NSD1: variants seen among roughly 807,000 people sequenced by gnomAD.
NSD1 encodes histone-lysine N-methyltransferase, H3 lysine-36 specific.
NSD1 carries 26 observed loss-of-function variants against 242.7 expected under a neutral mutation model. The ratio of observed to expected loss-of-function variants is 0.11; its 90% CI spans 0.08 to 0.15. NSD1 has a LOEUF of 0.15. Among genes scored for constraint, NSD1 ranks in the 10% least tolerant of loss-of-function variants. NSD1 has a pLI of 1.00. For missense variants in NSD1, 2,495 were observed against 3,272.8 expected (o/e 0.76, Z 5.80); for synonymous variants, 1,106 against 1,178.1 (o/e 0.94, Z 1.25).
In NSD1 at chr5:177,188,844, T is replaced by TA. The variant is rs144957691; in HGVS notation, c.928-3030dup. Among the ~76,000 whole-genome samples, 694 of 150,338 alleles carry TA rather than the reference T, an allele frequency of 4.6e-3. 10 individuals are homozygous for TA. Among genetic ancestry groups the TA allele is most frequent in the East Asian group, 0.04 (208 of 5,142 alleles). ...TGGTGGATATTAACTTTTGTCATTT[T>TA]AAAAAAAAAATGCTTTAACAGCTTG... On this transcript the variant is annotated intron_variant, in intron 2 of 22. Transcript: ENST00000439151.
intron 5 of NSD1, among the ~76,000 whole-genome samples, chr5:177,226,279 C>G (rs1298952229): frequency 1.3e-5 from 2 of 152,144 alleles, no homozygotes; most frequent in Non-Finnish European, 2.9e-5. Flanking sequence ...AAGTGTTCCA[C>G]CTGCTTTAGC....
At chr5:177,145,909 A>AG (rs1491466534) in intron 2 of NSD1, among the ~76,000 whole-genome samples, 1 of 10,486 alleles carries the variant, frequency 9.5e-5, no homozygotes, top group Admixed American at 9.0e-4. Context: ...ACTCCATCTC[A>AG]AAAAAAAAAA....
At chr5:177,208,435 C>T (rs1763065204) in intron 4 of NSD1, among the ~76,000 whole-genome samples, 3 of 152,072 alleles carry the variant, frequency 2.0e-5, no homozygotes, top group Non-Finnish European at 2.9e-5. Flanking sequence ...ATCAAACCTG[C>T]TGATTCCTCT....
At position 177,256,165 on chromosome 5, in the gene NSD1, G is replaced by C. The variant is rs148762619; in HGVS notation, c.4766-786G>C. Among the ~76,000 whole-genome samples the C allele has an allele frequency of 7.9e-3, 1,200 of 152,008 alleles. 19 individuals are homozygous for C. Among genetic ancestry groups the C allele is most frequent in the African/African-American group, 0.024 (1,015 of 41,458 alleles). On this transcript the variant is annotated intron_variant, in intron 12 of 22. Coordinates refer to ENST00000439151, the MANE Select transcript of NSD1 (RefSeq NM_022455.5). ...GAGAGAGGCCAAAAACGTCTCTGTA[G>C]GTTTTGTTAGGGAGATTACCAGCAT... is the stretch of plus-strand genomic sequence containing the variant.
chr5:177,197,621 C>CA (rs1462513571), intron 3 of NSD1, among the ~76,000 whole-genome samples: 4 of 152,120 alleles, frequency 2.6e-5, no homozygotes, highest in Non-Finnish European at 4.4e-5. Flanking sequence ...GACTCCATCT[C>CA]AAAAAATAAA....
At position 177,211,386 on chromosome 5, in the gene NSD1, C is replaced by G. The variant is rs1309124467; in HGVS notation, c.2987C>G (p.Pro996Arg). Residue 996 changes from proline (P) to arginine (R), a missense_variant, in exon 5 of 23, where the codon CCT (proline) becomes CGT (arginine). By Grantham distance (103) the Pro-to-Arg change is moderately radical. This residue lies in a region of NSD1 where 426 missense variants were observed against 411.4 expected (regional missense o/e 1.04). Coordinates refer to ENST00000439151, the MANE Select transcript of NSD1 (RefSeq NM_022455.5). ...TCTGGCGAGTTGTCTGCTTCCCTAC[C>G]TGGCTTACTGTCCGACAAGAGAGAC... ...ALSGELSASLPGLLSDKRDLP... is the reference protein window; with the variant it reads ...ALSGELSASLRGLLSDKRDLP... The G allele has an allele frequency of 6.2e-7, 1 of 1,614,126 alleles. No homozygotes were observed. Among genetic ancestry groups the G allele is most frequent in the Non-Finnish European group, 8.5e-7 (1 of 1,180,028 alleles).
chr5:177,197,491 G>A (rs898578141), intron 3 of NSD1, among the ~76,000 whole-genome samples: 25 of 152,076 alleles, frequency 1.6e-4, no homozygotes, highest in Admixed American at 1.2e-3. Context: ...GCAGGGTGGC[G>A]GGCGCCTGTA....
chr5:177,143,321 GATA>G (rs1303390952), intron 2 of NSD1, among the ~76,000 whole-genome samples: 1 of 151,558 alleles, frequency 6.6e-6, no homozygotes, highest in Non-Finnish European at 1.5e-5. Context: ...TTTAATTAAG[GATA>G]ATAATTTTTT....
intron 2 of NSD1, among the ~76,000 whole-genome samples, chr5:177,167,559 A>T (rs1327899933): frequency 6.6e-6 from 1 of 151,780 alleles, no homozygotes; most frequent in Non-Finnish European, 1.5e-5. Flanking sequence ...TATATTTGTG[A>T]GGCTTTATTT....
chr5:177,194,190 A>G (rs1316119341), intron 3 of NSD1, among the ~76,000 whole-genome samples: 1 of 152,156 alleles, frequency 6.6e-6, no homozygotes, highest in Non-Finnish European at 1.5e-5. Flanking sequence ...TATCACAAAC[A>G]GAACATTGTA....
rs1554184209 is a variant in NSD1, at chr5:177,185,795, A to ATATT, written c.928-6086_928-6085insTTAT. Among the ~76,000 whole-genome samples the ATATT allele has an allele frequency of 0.01, 897 of 88,346 alleles. 60 individuals carry two copies. In the East Asian group the frequency reaches 0.18, roughly 17 times the overall value. 58.0% of individuals were successfully genotyped at this position (88,346 alleles called of 152,430 possible). On this transcript the variant is annotated intron_variant, in intron 2 of 22. Coordinates refer to ENST00000439151, the MANE Select transcript of NSD1 (RefSeq NM_022455.5). ...TATATATTATATATGTATATTATAT[A>ATATT]TATATATATATAAATTTATATATAT...
rs187282211 is a variant in NSD1, at chr5:177,283,464, G to T, written c.6010-323G>T. Among the ~76,000 whole-genome samples, 808 of 152,322 alleles carry T rather than the reference G, an allele frequency of 5.3e-3. 2 individuals are homozygous for T. Among genetic ancestry groups the T allele is most frequent in the Non-Finnish European group, 9.5e-3 (643 of 68,028 alleles). On this transcript the variant is annotated intron_variant, in intron 19 of 22. Coordinates refer to ENST00000439151, the MANE Select transcript of NSD1 (RefSeq NM_022455.5). ...TAGAAAGTGGGACAAGCTGCTATTT[G>T]TAGGGCAGTGGTCCTCAAACTTCAA...
rs1208609364 is a variant in NSD1, at chr5:177,291,840, A to G, written c.6259-114A>G. On this transcript the variant is annotated intron_variant, in intron 21 of 22. Coordinates refer to ENST00000439151, the MANE Select transcript of NSD1 (RefSeq NM_022455.5). ...GGTACCTTTCCTGCATTTTATCTTC[A>G]TGACAATCTCTTTTCCCAGAGAAGA... The G allele has an allele frequency of 6.8e-6, 7 of 1,036,692 alleles. No homozygotes were observed. In the African/African-American group the frequency reaches 9.5e-5, roughly 14 times the overall value. 64.2% of individuals were successfully genotyped at this position (1,036,692 alleles called of 1,614,324 possible).
chr5:177,191,505 T>C (rs1761693816), intron 2 of NSD1, among the ~76,000 whole-genome samples: 1 of 152,168 alleles, frequency 6.6e-6, no homozygotes, highest in Admixed American at 6.5e-5. Context: ...ATTCTTCCTA[T>C]AATTTTTTCT....
At chr5:177,196,678 A>T (rs569877612) in intron 3 of NSD1, among the ~76,000 whole-genome samples, 8 of 152,324 alleles carry the variant, frequency 5.3e-5, no homozygotes, top group African/African-American at 1.9e-4. Flanking sequence ...GCCATGGGCA[A>T]GGCATGGGTG....
rs1760338977 is a variant in NSD1, at chr5:177,297,697, A to T, written c.*2238A>T. On this transcript the variant is annotated 3_prime_UTR_variant, in exon 23 of 23. Transcript: ENST00000439151. Reference sequence around the variant, plus strand: ...GGGAGGGCGTGCAGGCCATGTAAAAATTTTCCGTGGAGAAGTTTGATTCTA... The same window carrying T: ...GGGAGGGCGTGCAGGCCATGTAAAATTTTTCCGTGGAGAAGTTTGATTCTA... 4.3e-6 allele frequency: 1 copy of T among 231,760 alleles called. No homozygotes were observed. Among genetic ancestry groups the T allele is most frequent in the Non-Finnish European group, 8.5e-6 (1 of 117,432 alleles). The allele number at this position is 231,760 out of a possible 1,614,324, so 14.4% of individuals were successfully genotyped here.
chr5:177,186,639 A>G (rs540194136), intron 2 of NSD1, among the ~76,000 whole-genome samples: 15 of 152,328 alleles, frequency 9.8e-5, no homozygotes, highest in African/African-American at 3.6e-4. Flanking sequence ...CGAAGATGGT[A>G]GTGACGAGCT....
chr5:177,200,238 A>C (rs1220335703), intron 3 of NSD1, among the ~76,000 whole-genome samples: 1 of 151,900 alleles, frequency 6.6e-6, no homozygotes, highest in Non-Finnish European at 1.5e-5. Context: ...CTATACGAGT[A>C]ACTGGGACTA....
At chr5:177,236,269 T>C (rs1157111920) in intron 6 of NSD1, among the ~76,000 whole-genome samples, 1 of 152,224 alleles carries the variant, frequency 6.6e-6, no homozygotes, top group Non-Finnish European at 1.5e-5. Flanking sequence ...ATTTCAAAAG[T>C]AAATATATCT....
Sources: gnomAD v4.1 joint callset for allele counts (sites outside exome capture counted in the v4.1 genomes callset) on GRCh38, gnomAD v4.1.1 for gene constraint, gnomAD v4.1.1 regional missense constraint, MANE v1.5 for transcripts, NCBI Gene and HGNC (gene_info 2026-07-23, HGNC 2026-07-21) for gene names.